The following ANXA1 variants were observed in gnomAD, a reference collection of about 807,000 sequenced individuals.
ANXA1 encodes the protein annexin A1.
In ANXA1, 39 loss-of-function variants were observed where a neutral mutation model predicts 47.9. That is an observed-to-expected ratio of 0.81 (90% CI 0.63 to 1.06). The LOEUF is 1.06. Ranked by LOEUF, ANXA1 falls within the 50% of genes least tolerant of loss-of-function variation. The pLI, the probability that ANXA1 is intolerant of heterozygous loss-of-function variation, is 0.00. For missense variants in ANXA1, 446 were observed against 422.7 expected, an observed-to-expected ratio of 1.06 and a Z score of -0.48; for synonymous variants, 146 against 142.5, an observed-to-expected ratio of 1.02 and a Z score of -0.17.
At chr9:73,167,997 T>C (rs575851433) in intron 11 of ANXA1, 2 of 159,712 alleles carry the variant, frequency 1.3e-5, no homozygotes, top group South Asian at 3.5e-4. Context: ...TGATTAAGGA[T>C]GTAGAATGAT....
At chr9:73,155,953 T>G (rs183579834) in intron 1 of ANXA1, among the ~76,000 whole-genome samples, 180 of 146,870 alleles carry the variant, frequency 1.2e-3, no homozygotes, top group African/African-American at 4.4e-3. Context: ...ATTCAAGTAT[T>G]TTTTAGAAGT....
chr9:73,167,102 A>G (rs921398578), intron 10 of ANXA1, among the ~76,000 whole-genome samples: 24 of 152,058 alleles, frequency 1.6e-4, no homozygotes, highest in Non-Finnish European at 8.8e-5. Context: ...TGCCCTCTCT[A>G]GTAGTCTGCA....
intron 7 of ANXA1, 30 bp from the exon 8 acceptor site, chr9:73,163,446 G>C (rs780540565): frequency 6.2e-7 from 1 of 1,604,216 alleles, no homozygotes; most frequent in Non-Finnish European, 8.5e-7. Flanking sequence ...TGCTAGAGAA[G>C]AGCTTACAAT....
At chr9:73,157,419 C>T (rs1358454850) in intron 1 of ANXA1, among the ~76,000 whole-genome samples, 3 of 151,754 alleles carry the variant, frequency 2.0e-5, no homozygotes, top group South Asian at 2.1e-4. Context: ...TTTGGGAGGC[C>T]GAGGCGGGCA....
chr9:73,157,781 G>A (rs141077153), intron 1 of ANXA1: 173 of 148,250 alleles, frequency 1.2e-3, no homozygotes, highest in African/African-American at 4.1e-3. Context: ...CCTCCATCTT[G>A]TCTATCTCTT....
intron 11 of ANXA1, 77 bp downstream of exon 11, chr9:73,167,632 T>C (rs1824255098): frequency 2.2e-6 from 3 of 1,345,446 alleles, no homozygotes. Context: ...TCATGTTGTT[T>C]GAAAATCTCA....
chr9:73,166,263 A>G (rs547309431), intron 10 of ANXA1, 71 bp downstream of exon 10: 1 of 1,082,736 alleles, frequency 9.2e-7, no homozygotes, highest in South Asian at 1.4e-5. Flanking sequence ...TATACTTAAC[A>G]AGAACAACAG....
chr9:73,170,244 C>A lies in ANXA1; in HGVS notation c.*137C>A, dbSNP rs1824301360. On this transcript the variant is annotated 3_prime_UTR_variant, in exon 13 of 13. Transcript: ENST00000257497. ...ATGCTGAAAAATATAGCCTTTAAAT[C>A]ATTTTTATATTATAACTCTGTATAA... is the stretch of plus-strand genomic sequence containing the variant. The A allele has an allele frequency of 8.7e-6, 5 of 575,400 alleles. No homozygotes were observed. In the South Asian group the frequency reaches 1.9e-4, roughly 22 times the overall value. The allele number at this position is 575,400 out of a possible 1,614,324, so 35.6% of individuals were successfully genotyped here.
intron 1 of ANXA1, among the ~76,000 whole-genome samples, chr9:73,153,874 A>G (rs1025160794): frequency 2.0e-5 from 3 of 152,166 alleles, no homozygotes; most frequent in African/African-American, 7.2e-5. Flanking sequence ...AAACAAGCCA[A>G]TGGAAAGTGA....
chr9:73,158,445 G>A (rs1824083558), intron 1 of ANXA1, 77 bp from the exon 2 acceptor site: 6 of 1,067,226 alleles, frequency 5.6e-6, no homozygotes, highest in Admixed American at 5.3e-5. Flanking sequence ...TAACTCTTAT[G>A]TATGTAAGAG....
Position 73,158,563 on chromosome 9 carries a change from C to T in ANXA1, c.28C>T (p.Gln10Ter), listed in dbSNP as rs1824085805. 6.2e-7 allele frequency: 1 copy of T among 1,613,560 alleles called. No homozygotes were observed. The highest frequency in any genetic ancestry group is 1.1e-5 in the South Asian group (1 of 91,072). The change falls in exon 2 of 13, where the codon CAG (glutamine) becomes TAG (stop). Residue 10 changes from glutamine to a stop codon, truncating the protein, a stop_gained. Transcript: ENST00000257497. LOFTEE classifies it high-confidence loss of function. MAMVSEFLK[Q>*]AWFIENEEQE... is the part of the protein sequence containing the mutation. ...GGCAATGGTATCAGAATTCCTCAAG[C>T]AGGCCTGGTTTATTGAAAATGAAGA...
Position 73,166,164 on chromosome 9 carries a change from T to C in ANXA1, c.774T>C (p.Gly258=). 2.5e-6 allele frequency: 4 copies of C among 1,612,384 alleles called. No individual in the cohort carries two copies. Among genetic ancestry groups the C allele is most frequent in the Non-Finnish European group, 3.4e-6 (4 of 1,179,032 alleles). ...AAGTTCTGGACCTGGAGTTGAAAGG[T>C]GACATTGAGAAATGCCTCACAGCTA... is the stretch of plus-strand genomic sequence containing the variant. ...MNKVLDLELK[G]DIEKCLTAIV... is the part of the protein sequence containing the mutation. The change falls in exon 10 of 13, where the codon GGT becomes GGC. Residue 258 remains glycine, a synonymous_variant. Coordinates refer to ENST00000257497, the MANE Select transcript of ANXA1 (RefSeq NM_000700.3).
chr9:73,164,590 G>A (rs939360896), intron 8 of ANXA1, among the ~76,000 whole-genome samples: 1 of 151,992 alleles, frequency 6.6e-6, no homozygotes, highest in Non-Finnish European at 1.5e-5. Flanking sequence ...TGTGACAATA[G>A]GGCAGGGATT....
intron 6 of ANXA1, among the ~76,000 whole-genome samples, chr9:73,161,667 G>A (rs1464695567): frequency 6.6e-6 from 1 of 151,854 alleles, no homozygotes; most frequent in Non-Finnish European, 1.5e-5. Context: ...ATTTTCAGAG[G>A]AATTTAATAA....
chr9:73,169,198 C>A (rs1291045567), intron 12 of ANXA1, 44 bp downstream of exon 12: 5 of 1,549,564 alleles, frequency 3.2e-6, no homozygotes, highest in Middle Eastern at 1.7e-4. Context: ...AATGAAAGTT[C>A]TTTTTGCAAG....
chr9:73,167,405 G>A (rs961445045), intron 10 of ANXA1, 92 bp from the exon 11 acceptor site: 1 of 1,224,220 alleles, frequency 8.2e-7, no homozygotes, highest in South Asian at 1.3e-5. Context: ...ATAGAACACT[G>A]TTGGCAAAAT....
intron 4 of ANXA1, 89 bp from the exon 5 acceptor site, chr9:73,160,173 TG>T: frequency 1.2e-6 from 1 of 823,212 alleles, no homozygotes; most frequent in Non-Finnish European, 1.9e-6. Context: ...AGGGATGAGT[TG>T]TACGATGACC....
chr9:73,163,226 GC>G (rs1313439882), intron 7 of ANXA1, among the ~76,000 whole-genome samples: 19 of 152,064 alleles, frequency 1.2e-4, no homozygotes, highest in African/African-American at 4.1e-4. Flanking sequence ...TGAGAGATCA[GC>G]CCCAGGACCC....
chr9:73,162,841 G>C lies in ANXA1; in HGVS notation c.535G>C (p.Ala179Pro). The change falls in exon 7 of 13, where the codon GCT (alanine) becomes CCT (proline). Residue 179 changes from alanine to proline, a missense_variant. By Grantham distance (27) the Ala-to-Pro change is conservative. Coordinates refer to ENST00000257497, the MANE Select transcript of ANXA1 (RefSeq NM_000700.3). ...AGACACATCTGGAGATTTTCGGAACGCTTTGCTTTCTCTTGCTAAGGTACA... is the reference window on the plus strand; with the variant it reads ...AGACACATCTGGAGATTTTCGGAACCCTTTGCTTTCTCTTGCTAAGGTACA... ...TSDTSGDFRN[A>P]LLSLAKGDRS... is the part of the protein sequence containing the mutation. 6.2e-7 allele frequency: 1 copy of C among 1,612,886 alleles called. No homozygotes were observed. Among genetic ancestry groups the C allele is most frequent in the Non-Finnish European group, 8.5e-7 (1 of 1,179,276 alleles).
Sources: gnomAD v4.1 joint callset for allele counts (sites outside exome capture counted in the v4.1 genomes callset) on GRCh38, gnomAD v4.1.1 for gene constraint, MANE v1.5 for transcripts, NCBI Gene and HGNC (gene_info 2026-07-23, HGNC 2026-07-21) for gene names.